Variants in FBXL7 observed in about 807,000 individuals in gnomAD.
FBXL7 encodes F-box and leucine rich repeat protein 7, also known as F-box/LRR-repeat protein 7.
FBXL7 carries 12 observed loss-of-function variants against 38.3 expected under a neutral mutation model. The ratio of observed to expected loss-of-function variants is 0.31; its 90% CI spans 0.20 to 0.51. The LOEUF (loss-of-function observed/expected upper bound fraction) is 0.51, where lower values mean the gene tolerates loss of function less well. FBXL7 is among the 20% of genes least tolerant of loss of function. The probability of loss-of-function intolerance (pLI) is 0.98; values close to 1 mark genes in which losing one functional copy is unlikely to be tolerated. For synonymous variants in FBXL7, 297 were observed against 300.9 expected, an observed-to-expected ratio of 0.99 and a Z score of 0.13; for missense variants, 567 against 676.4, an observed-to-expected ratio of 0.84 and a Z score of 1.79.
intron 2 of FBXL7, among the ~76,000 whole-genome samples, chr5:15,890,572 A>G (rs1740861121): frequency 2.0e-5 from 3 of 152,096 alleles, no homozygotes; most frequent in Admixed American, 2.0e-4. Flanking sequence ...TGCAAGCCCT[A>G]TTGTGAACTG....
chr5:15,749,901 C>A (rs1231306351), intron 2 of FBXL7, among the ~76,000 whole-genome samples: 3 of 152,304 alleles, frequency 2.0e-5, no homozygotes, highest in African/African-American at 7.2e-5. Context: ...GCAGATGACA[C>A]CTTTTTCTGA....
chr5:15,530,958 A>T (rs1399118508), intron 1 of FBXL7, among the ~76,000 whole-genome samples: 1 of 152,342 alleles, frequency 6.6e-6, no homozygotes, highest in Admixed American at 6.5e-5. Flanking sequence ...CATAAATCAC[A>T]TTCTTAGAAT....
chr5:15,745,672 T>TA (rs1385087903), intron 2 of FBXL7, among the ~76,000 whole-genome samples: 1 of 152,132 alleles, frequency 6.6e-6, no homozygotes, highest in Non-Finnish European at 1.5e-5. Context: ...AAGCGCCTAA[T>TA]ACAGGAGTGT....
chr5:15,673,161 C>T (rs1742539227), intron 2 of FBXL7, among the ~76,000 whole-genome samples: 1 of 152,012 alleles, frequency 6.6e-6, no homozygotes, highest in African/African-American at 2.4e-5. Context: ...ACTAAAAGTA[C>T]AAAAATTAAC....
chr5:15,852,708 A>G (rs1008681483), intron 2 of FBXL7, among the ~76,000 whole-genome samples: 1 of 151,998 alleles, frequency 6.6e-6, no homozygotes, highest in Non-Finnish European at 1.5e-5. Context: ...ATGGCCATAT[A>G]TGCCTACATA....
intron 2 of FBXL7, among the ~76,000 whole-genome samples, chr5:15,901,097 C>T (rs1392930330): frequency 6.6e-6 from 1 of 152,212 alleles, no homozygotes; most frequent in Non-Finnish European, 1.5e-5. Context: ...TTTCTAAAAG[C>T]TATTAATGTA....
At chr5:15,666,194 A>G (rs1239561648) in intron 2 of FBXL7, among the ~76,000 whole-genome samples, 2 of 152,098 alleles carry the variant, frequency 1.3e-5, no homozygotes, top group Non-Finnish European at 2.9e-5. Flanking sequence ...TTTTATTATT[A>G]TTTTTGGTTG....
intron 1 of FBXL7, among the ~76,000 whole-genome samples, chr5:15,573,305 G>A (rs1030124131): frequency 3.3e-5 from 5 of 152,176 alleles, no homozygotes; most frequent in African/African-American, 7.2e-5. Flanking sequence ...GTCTACAAAA[G>A]CATGTGCATT....
At chr5:15,901,382 G>A (rs528298647) in intron 2 of FBXL7, among the ~76,000 whole-genome samples, 316 of 152,218 alleles carry the variant, frequency 2.1e-3, no homozygotes, top group African/African-American at 7.4e-3. Context: ...ATTCATGAAG[G>A]TTCTGCCCAC....
At chr5:15,832,664 C>T (rs138172584) in intron 2 of FBXL7, among the ~76,000 whole-genome samples, 68 of 152,282 alleles carry the variant, frequency 4.5e-4, no homozygotes, top group African/African-American at 1.6e-3. Flanking sequence ...TAGAAACTCT[C>T]TTTATCCAAA....
chr5:15,734,812 G>A (rs1214148535), intron 2 of FBXL7, among the ~76,000 whole-genome samples: 1 of 152,254 alleles, frequency 6.6e-6, no homozygotes, highest in Non-Finnish European at 1.5e-5. Flanking sequence ...AGTGAAAGTA[G>A]ACCTTACATA....
intron 1 of FBXL7, among the ~76,000 whole-genome samples, chr5:15,536,566 C>G (rs538752337): frequency 6.6e-6 from 1 of 152,168 alleles, no homozygotes. Context: ...TTTGGACTTT[C>G]GTGGGGCCTG....
At chr5:15,615,082 G>T in intron 1 of FBXL7, among the ~76,000 whole-genome samples, 1 of 152,260 alleles carries the variant, frequency 6.6e-6, no homozygotes, top group Non-Finnish European at 1.5e-5. Context: ...AGGAATCTGC[G>T]CACCACAGTC....
intron 2 of FBXL7, among the ~76,000 whole-genome samples, chr5:15,701,693 A>C (rs941416451): frequency 6.6e-6 from 1 of 152,214 alleles, no homozygotes; most frequent in East Asian, 1.9e-4. Context: ...TTCATGCAAT[A>C]AAAAAATGCA....
At chr5:15,582,301 C>T (rs557613916) in intron 1 of FBXL7, among the ~76,000 whole-genome samples, 1 of 152,142 alleles carries the variant, frequency 6.6e-6, no homozygotes, top group Non-Finnish European at 1.5e-5. Context: ...AGAACATAAG[C>T]AGAGACTTTT....
At chr5:15,746,508 G>A (rs1736017656) in intron 2 of FBXL7, among the ~76,000 whole-genome samples, 5 of 152,014 alleles carry the variant, frequency 3.3e-5, no homozygotes, top group Admixed American at 2.0e-4. Flanking sequence ...TTTCCTCATA[G>A]ACAGTTCTGT....
Position 15,937,656 on chromosome 5 carries a change from C to T in FBXL7, c.*470C>T, listed in dbSNP as rs1361244180. 6.1e-6 allele frequency: 1 copy of T among 165,068 alleles called. No individual in the cohort carries two copies. Among genetic ancestry groups the T allele is most frequent in the African/African-American group, 2.4e-5 (1 of 41,544 alleles). 10.2% of individuals were successfully genotyped at this position (165,068 alleles called of 1,614,324 possible). On this transcript the variant is annotated 3_prime_UTR_variant, in exon 4 of 4. Coordinates refer to ENST00000504595, the MANE Select transcript of FBXL7 (RefSeq NM_012304.5). ...TCTAAACTGCTTCATTGACCTAAGTCACTCTCTTCAATCCCACACCCATGG... is the reference window on the plus strand; with the variant it reads ...TCTAAACTGCTTCATTGACCTAAGTTACTCTCTTCAATCCCACACCCATGG...
intron 2 of FBXL7, among the ~76,000 whole-genome samples, chr5:15,620,738 C>T (rs1186618864): frequency 1.3e-5 from 2 of 152,140 alleles, no homozygotes; most frequent in Non-Finnish European, 2.9e-5. Flanking sequence ...ACTAGTGTTC[C>T]CAGCCTGGCA....
intron 1 of FBXL7, among the ~76,000 whole-genome samples, chr5:15,514,857 A>G (rs942213037): frequency 1.3e-5 from 2 of 152,150 alleles, no homozygotes; most frequent in Admixed American, 1.3e-4. Flanking sequence ...TGCAGTGACT[A>G]GTTTAGGCAG....
Sources: gnomAD v4.1 joint callset for allele counts (sites outside exome capture counted in the v4.1 genomes callset) on GRCh38, gnomAD v4.1.1 for gene constraint, MANE v1.5 for transcripts, NCBI Gene and HGNC (gene_info 2026-07-23, HGNC 2026-07-21) for gene names.